PIK3R3: variants seen among roughly 807,000 people sequenced by gnomAD.
PIK3R3 encodes phosphoinositide-3-kinase regulatory subunit 3.
PIK3R3 carries 64 observed loss-of-function variants against 62.9 expected under a neutral mutation model. That is an observed-to-expected ratio of 1.02 (90% CI 0.83 to 1.25). The LOEUF is 1.25. PIK3R3 is among the 50% of genes most tolerant of loss of function. The probability of loss-of-function intolerance (pLI) is 0.00; values close to 1 mark genes in which losing one functional copy is unlikely to be tolerated. For synonymous variants in PIK3R3, 165 were observed against 189.0 expected (o/e 0.87, Z 1.04); for missense variants, 614 against 561.6 (o/e 1.09, Z -0.94).
At chr1:46,172,045 G>A in the PIK3R3 span, among the ~76,000 whole-genome samples, 2 of 152,148 alleles carry the variant, frequency 1.3e-5, no homozygotes, top group Admixed American at 1.3e-4. Context: ...CCTGAGGCTG[G>A]CTGGAGCGGG....
At chr1:46,073,955 C>T (rs1165995350) in intron 3 of PIK3R3, among the ~76,000 whole-genome samples, 3 of 150,522 alleles carry the variant, frequency 2.0e-5, no homozygotes, top group African/African-American at 7.3e-5. Flanking sequence ...TTTCTAACTC[C>T]CTGAGCCACA....
the PIK3R3 span, among the ~76,000 whole-genome samples, chr1:46,142,973 A>G: frequency 6.6e-6 from 1 of 152,218 alleles, no homozygotes; most frequent in Non-Finnish European, 1.5e-5. Context: ...TGTTGCAACA[A>G]CGTGGGCAAA....
rs757700512 is a variant in PIK3R3 at position 46,043,522 on chromosome 1, G to A, written c.*151C>T. On this transcript the variant is annotated 3_prime_UTR_variant, in exon 10 of 10. Coordinates refer to ENST00000262741, the MANE Select transcript of PIK3R3 (RefSeq NM_003629.4). ...CTCAGGCCTCTAATGCCCCCATCCC[G>A]GCCGGCTGCTGCTCGGCCTCTCCAC... is the stretch of plus-strand genomic sequence containing the variant. The A allele has an allele frequency of 2.4e-4, 162 of 667,954 alleles. No homozygotes were observed. The highest frequency in any genetic ancestry group is 3.5e-4 in the Non-Finnish European group (134 of 387,828). 41.4% of individuals were successfully genotyped at this position (667,954 alleles called of 1,614,324 possible).
Position 46,077,608 on chromosome 1 carries a change from T to C in PIK3R3, c.221A>G (p.Glu74Gly). The change falls in exon 3 of 10, where the codon GAG becomes GGG. Residue 74 changes from glutamate to glycine, a missense_variant. Physicochemically the swap from Glu to Gly is moderately conservative, Grantham distance 98 (BLOSUM62 -2). Coordinates refer to ENST00000262741, the MANE Select transcript of PIK3R3 (RefSeq NM_003629.4). ...EWYWGDISRE[E>G]VNDKLRDMPD... ...CATATCCCGCAATTTGTCATTTACCTCCTCCCTGAAGAACAGAATTATAAG... is the reference window on the plus strand; with the variant it reads ...CATATCCCGCAATTTGTCATTTACCCCCTCCCTGAAGAACAGAATTATAAG... 1.3e-6 allele frequency: 2 copies of C among 1,595,172 alleles called. No individual in the cohort carries two copies. Among genetic ancestry groups the C allele is most frequent in the Non-Finnish European group, 1.7e-6 (2 of 1,163,064 alleles).
chr1:46,132,644 A>T, upstream of PIK3R3: 1 of 1,289,696 alleles, frequency 7.8e-7, no homozygotes, highest in Non-Finnish European at 1.0e-6. Flanking sequence ...TCCAGCCACT[A>T]GAGTTTCATT....
chr1:46,131,425 A>T (rs1043188012), intron 1 of PIK3R3, among the ~76,000 whole-genome samples: 7 of 152,248 alleles, frequency 4.6e-5, no homozygotes, highest in Non-Finnish European at 1.0e-4. Context: ...TGAAAGGACA[A>T]GCTTTCAAGA....
chr1:46,078,510 C>T (rs1250111090), intron 2 of PIK3R3, among the ~76,000 whole-genome samples: 1 of 152,078 alleles, frequency 6.6e-6, no homozygotes, highest in Non-Finnish European at 1.5e-5. Flanking sequence ...CCACTGCACG[C>T]CAGCCTGGGG....
At chr1:46,107,951 C>T (rs1571517823) in intron 1 of PIK3R3, among the ~76,000 whole-genome samples, 1 of 152,148 alleles carries the variant, frequency 6.6e-6, no homozygotes, top group Non-Finnish European at 1.5e-5. Flanking sequence ...TTGCCATTTA[C>T]CAAATCTGTG....
rs756388105 is a variant in PIK3R3 at position 46,043,627 on chromosome 1, C to T, written c.*46G>A. On this transcript the variant is annotated 3_prime_UTR_variant, in exon 10 of 10. Transcript: ENST00000262741. The stretch of plus-strand genomic sequence containing the variant: ...TGCCCTCATCGTAGTCTAATAAAAA[C>T]TGTAGAAAAAAATGCCAGAGAACCA... The T allele has an allele frequency of 2.0e-5, 30 of 1,518,446 alleles. No homozygotes were observed. In the South Asian group the frequency reaches 3.4e-4, roughly 17 times the overall value. 94.1% of individuals were successfully genotyped at this position (1,518,446 alleles called of 1,614,324 possible).
intron 3 of PIK3R3, among the ~76,000 whole-genome samples, chr1:46,071,759 A>AGAGAGAGAGAGAGAGCGAGC (rs777668187): frequency 2.0e-5 from 2 of 100,106 alleles, no homozygotes; most frequent in Non-Finnish European, 4.3e-5. Flanking sequence ...AGAGAGAGAG[A>AGAGAGAGAGAGAGAGCGAGC]GCGCGCGCCT....
chr1:46,048,928 TA>T (rs1647185289), intron 7 of PIK3R3, among the ~76,000 whole-genome samples: 2 of 152,188 alleles, frequency 1.3e-5, no homozygotes, highest in Admixed American at 1.3e-4. Context: ...ATAGCTTTAG[TA>T]AATACGTTAA....
chr1:46,069,448 G>A (rs1557576600), intron 3 of PIK3R3, among the ~76,000 whole-genome samples: 1 of 151,892 alleles, frequency 6.6e-6, no homozygotes, highest in Non-Finnish European at 1.5e-5. Context: ...GAATCCAGGA[G>A]GCAGAGGTTG....
intron 1 of PIK3R3, among the ~76,000 whole-genome samples, chr1:46,105,546 T>C (rs898657690): frequency 1.1e-4 from 17 of 151,926 alleles, no homozygotes; most frequent in African/African-American, 3.6e-4. Context: ...CTGGAAACAG[T>C]GGCTCATGCC....
chr1:46,135,240 A>G (rs1394596344), upstream of PIK3R3, among the ~76,000 whole-genome samples: 1 of 152,130 alleles, frequency 6.6e-6, no homozygotes, highest in Admixed American at 6.5e-5. Flanking sequence ...GGAGAATTAT[A>G]TTTGACCTGG....
intron 7 of PIK3R3, among the ~76,000 whole-genome samples, chr1:46,049,815 T>TA (rs1647213516): frequency 1.3e-5 from 2 of 151,344 alleles, no homozygotes; most frequent in African/African-American, 4.9e-5. Context: ...ATAAATTTAA[T>TA]TAAAAAAAAA....
chr1:46,085,933 T>C (rs1651009039), intron 1 of PIK3R3, among the ~76,000 whole-genome samples: 1 of 152,144 alleles, frequency 6.6e-6, no homozygotes, highest in Non-Finnish European at 1.5e-5. Context: ...TGAGACAGGG[T>C]CTCATTACGT....
Position 46,066,970 on chromosome 1 carries a change from CA to C in PIK3R3, c.435del (p.Ala146LeufsTer9). The C allele has an allele frequency of 1.2e-6, 2 of 1,613,030 alleles. No individual in the cohort carries two copies. The highest frequency in any genetic ancestry group is 1.7e-6 in the Non-Finnish European group (2 of 1,179,522). On this transcript the variant is annotated frameshift_variant, in exon 4 of 10. Coordinates refer to ENST00000262741, the MANE Select transcript of PIK3R3 (RefSeq NM_003629.4). LOFTEE classifies it high-confidence loss of function. ...ELINHYHHES[L>X]AQYNPKLDVK... ...ACATCAAGTTTGGGATTGTACTGAGCAAGAGATTCATGGTGATAGTGGTTAA... is the reference window on the plus strand; with the variant it reads ...ACATCAAGTTTGGGATTGTACTGAGCAGAGATTCATGGTGATAGTGGTTAA...
upstream of PIK3R3, among the ~76,000 whole-genome samples, chr1:46,135,097 T>A (rs990772671): frequency 6.6e-6 from 1 of 152,216 alleles, no homozygotes; most frequent in Non-Finnish European, 1.5e-5. Context: ...GGAAAGCACC[T>A]GTGAGATGAT....
upstream of PIK3R3, chr1:46,133,048 G>T (rs762327366): frequency 2.0e-6 from 2 of 1,022,216 alleles, no homozygotes; most frequent in Non-Finnish European, 2.4e-6. Context: ...CCGGAGCCTG[G>T]AGCCTGCGTC....
Sources: allele counts gnomAD v4.1 joint callset (sites outside exome capture counted in the v4.1 genomes callset), GRCh38; gene constraint gnomAD v4.1.1; transcripts MANE v1.5; gene names NCBI Gene and HGNC (gene_info 2026-07-23, HGNC 2026-07-21).